The following IL1RAPL1 variants were observed in gnomAD, a reference collection of about 807,000 sequenced individuals.
IL1RAPL1 encodes the protein interleukin-1 receptor accessory protein-like 1.
Under a neutral mutation model 48.4 loss-of-function variants are expected in IL1RAPL1, and 3 were observed. The observed-to-expected ratio is 0.06, with a 90% confidence interval of 0.03 to 0.16. IL1RAPL1 has a LOEUF of 0.16. IL1RAPL1 is among the 10% of genes least tolerant of loss of function. The pLI is 1.00. For missense variants in IL1RAPL1, 349 were observed against 530.6 expected (o/e 0.66, Z 3.36); for synonymous variants, 185 against 187.7 (o/e 0.99, Z 0.12).
intron 2 of IL1RAPL1, among the ~76,000 whole-genome samples, chrX:28,891,872 A>G (rs1053532937): frequency 9.0e-6 from 1 of 111,572 alleles, no homozygotes; most frequent in Non-Finnish European, 1.9e-5. Context: ...CCACATCCTT[A>G]CCAATACTTG....
At chrX:28,823,798 C>G (rs1180937860) in intron 2 of IL1RAPL1, among the ~76,000 whole-genome samples, 10 of 111,489 alleles carry the variant, frequency 9.0e-5, no homozygotes, top group Non-Finnish European at 1.7e-4. Flanking sequence ...ACCTTCTTGC[C>G]TCCCTGATCA....
intron 1 of IL1RAPL1, among the ~76,000 whole-genome samples, chrX:28,670,875 C>T (rs1204732038): frequency 8.9e-6 from 1 of 111,877 alleles, no homozygotes; most frequent in East Asian, 2.8e-4. Context: ...AGTTGAATTT[C>T]CATGTACACA....
chrX:29,359,916 C>T (rs1018264789), intron 3 of IL1RAPL1, among the ~76,000 whole-genome samples: 1 of 110,803 alleles, frequency 9.0e-6, no homozygotes, highest in African/African-American at 3.3e-5. Flanking sequence ...TCTAGGTAGC[C>T]ATGTTATTAC....
intron 3 of IL1RAPL1, among the ~76,000 whole-genome samples, chrX:29,321,532 T>C (rs1307772829): frequency 8.9e-6 from 1 of 112,273 alleles, no homozygotes; most frequent in Non-Finnish European, 1.9e-5. Flanking sequence ...TTTTCGTATG[T>C]TTGAAAAATG....
chrX:28,903,508 A>G (rs1923137127), intron 2 of IL1RAPL1, among the ~76,000 whole-genome samples: 1 of 108,627 alleles, frequency 9.2e-6, no homozygotes, highest in African/African-American at 3.4e-5. Context: ...GCCGGGTGTC[A>G]TTGACATCTA....
intron 6 of IL1RAPL1, among the ~76,000 whole-genome samples, chrX:29,668,907 G>A (rs1926072970): frequency 9.0e-6 from 1 of 111,455 alleles, no homozygotes; most frequent in African/African-American, 3.3e-5. Flanking sequence ...TAAAATAAAT[G>A]TCACCATTAT....
At chrX:29,769,320 C>G (rs1928990581) in intron 6 of IL1RAPL1, among the ~76,000 whole-genome samples, 2 of 106,430 alleles carry the variant, frequency 1.9e-5, no homozygotes, top group Admixed American at 1.0e-4. Flanking sequence ...AATAATGCTG[C>G]TATGAAAATT....
At chrX:29,565,641 A>G (rs751700399) in intron 5 of IL1RAPL1, among the ~76,000 whole-genome samples, 1 of 112,133 alleles carries the variant, frequency 8.9e-6, no homozygotes, top group Non-Finnish European at 1.9e-5. Context: ...AGACAATTGA[A>G]AGGTTGATGA....
intron 1 of IL1RAPL1, among the ~76,000 whole-genome samples, chrX:28,603,232 C>T (rs1383330499): frequency 9.0e-6 from 1 of 111,246 alleles, no homozygotes; most frequent in Non-Finnish European, 1.9e-5. Flanking sequence ...GTTCATTATA[C>T]AATCAAAAAA....
rs773513226 is a variant in IL1RAPL1, at chrX:29,521,248, G to A, written c.703+121940G>A. On this transcript the variant is annotated intron_variant, in intron 5 of 10. Transcript: ENST00000378993. ...TATAATTCTTCATACCTGGAGCCTC[G>A]GTGAGTAGGCATTATGCCTGAAATT... Among the ~76,000 whole-genome samples, 33 of 111,723 alleles carry A rather than the reference G, an allele frequency of 3.0e-4. No homozygotes were observed. The South Asian group carries it at 6.8e-3, about 23-fold the overall frequency.
chrX:29,948,834 CA>C (rs1188605977), intron 9 of IL1RAPL1, among the ~76,000 whole-genome samples: 194 of 38,399 alleles, frequency 5.1e-3, no homozygotes, highest in Middle Eastern at 0.021. Context: ...TACTTGAGAA[CA>C]AAAAAAAAAA....
At chrX:29,406,567 T>G (rs113136584) in intron 5 of IL1RAPL1, among the ~76,000 whole-genome samples, 6 of 111,739 alleles carry the variant, frequency 5.4e-5, no homozygotes, top group African/African-American at 1.6e-4. Context: ...TGCCATAACT[T>G]TGCGGGTTTT....
intron 2 of IL1RAPL1, among the ~76,000 whole-genome samples, chrX:29,150,660 A>G (rs1929445292): frequency 9.1e-6 from 1 of 110,037 alleles, no homozygotes; most frequent in South Asian, 3.9e-4. Flanking sequence ...GCGGTGGCTC[A>G]CTCCTGTAAT....
chrX:29,400,950 C>G (rs1933985382), intron 5 of IL1RAPL1, among the ~76,000 whole-genome samples: 1 of 111,362 alleles, frequency 9.0e-6, no homozygotes, highest in Non-Finnish European at 1.9e-5. Flanking sequence ...ACCTCTTTCC[C>G]CTTTCTAGAA....
intron 2 of IL1RAPL1, among the ~76,000 whole-genome samples, chrX:29,252,133 G>T (rs1430083076): frequency 1.9e-5 from 2 of 104,842 alleles, no homozygotes; most frequent in Non-Finnish European, 3.9e-5. Context: ...GGGGAGGGGG[G>T]AGGGATAGCT....
In IL1RAPL1 at chrX:29,283,116, G is replaced by C. The variant is rs1030366729; in HGVS notation, c.261G>C (p.Glu87Asp). 1.2e-5 allele frequency: 15 copies of C among 1,209,749 alleles called. No homozygotes were observed. Among genetic ancestry groups the C allele is most frequent in the Non-Finnish European group, 1.7e-5 (15 of 895,039 alleles). ...YKSSGPGDFE[E>D]PIAFDGSRMS... ...GTTCTGGTCCTGGAGACTTTGAAGAGCCAATAGCCTTTGACGGAAGTAGAA... is the reference window on the plus strand; with the variant it reads ...GTTCTGGTCCTGGAGACTTTGAAGACCCAATAGCCTTTGACGGAAGTAGAA... The change falls in exon 3 of 11, where the codon GAG becomes GAC. Residue 87 changes from glutamate (E) to aspartate (D), a missense_variant. By Grantham distance (45) the Glu-to-Asp change is conservative. Transcript: ENST00000378993.
At chrX:28,749,801 T>C (rs1936019025) in intron 1 of IL1RAPL1, among the ~76,000 whole-genome samples, 2 of 110,698 alleles carry the variant, frequency 1.8e-5, no homozygotes, top group South Asian at 7.6e-4. Context: ...TTTTAAGTTC[T>C]TATCTAAAAA....
chrX:29,541,270 T>C (rs1238017204), intron 5 of IL1RAPL1, among the ~76,000 whole-genome samples: 1 of 111,215 alleles, frequency 9.0e-6, no homozygotes, highest in Admixed American at 9.6e-5. Flanking sequence ...TATTAAAAAC[T>C]CAAAAAGCCA....
intron 6 of IL1RAPL1, among the ~76,000 whole-genome samples, chrX:29,741,392 G>A (rs757419269): frequency 8.9e-6 from 1 of 111,907 alleles, no homozygotes; most frequent in Non-Finnish European, 1.9e-5. Context: ...GCATATCTGT[G>A]GAACGGATAA....
Sources: allele counts gnomAD v4.1 joint callset (sites outside exome capture counted in the v4.1 genomes callset), GRCh38; gene constraint gnomAD v4.1.1; transcripts MANE v1.5; gene names NCBI Gene and HGNC (gene_info 2026-07-23, HGNC 2026-07-21).